PAM: variants seen among roughly 807,000 people sequenced by gnomAD.
The protein encoded by PAM is peptidylglycine alpha-amidating monooxygenase.
PAM carries 72 observed loss-of-function variants against 122.1 expected under a neutral mutation model. That is an observed-to-expected ratio of 0.59 (90% CI 0.49 to 0.72). The LOEUF (loss-of-function observed/expected upper bound fraction) is 0.72. Ranked by LOEUF, PAM falls within the 30% of genes least tolerant of loss-of-function variation. PAM has a pLI of 0.00. For missense variants in PAM, 1,106 were observed against 1,183.7 expected (o/e 0.93, Z 0.96); for synonymous variants, 389 against 404.4 (o/e 0.96, Z 0.46).
chr5:102,866,889 T>C (rs763831124), intron 2 of PAM, among the ~76,000 whole-genome samples: 1 of 152,168 alleles, frequency 6.6e-6, no homozygotes, highest in Non-Finnish European at 1.5e-5. Flanking sequence ...CATTAGAAAA[T>C]TGGCATGCCT....
intron 1 of PAM, among the ~76,000 whole-genome samples, chr5:102,799,497 G>C (rs1455850232): frequency 6.6e-6 from 1 of 152,158 alleles, no homozygotes; most frequent in Admixed American, 6.5e-5. Context: ...ACTATTTCAA[G>C]GCTGGTCCCT....
In PAM at chr5:102,876,292, T is replaced by A. The variant is rs557576887; in HGVS notation, c.210+8899T>A. 3.9e-5 allele frequency among the ~76,000 whole-genome samples: 6 copies of A among 152,306 alleles called. No individual in the cohort carries two copies. The South Asian group carries it at 1.2e-3, about 32-fold the overall frequency. Reference sequence around the variant, plus strand: ...AAGCACCATCCTCTCTTTCCTGGATTATTATAATATCCCTCCTAACTGACC... The same window carrying A: ...AAGCACCATCCTCTCTTTCCTGGATAATTATAATATCCCTCCTAACTGACC... On this transcript the variant is annotated intron_variant, in intron 3 of 25. Transcript: ENST00000438793.
chr5:103,013,837 C>CA (rs1478502778), intron 21 of PAM, among the ~76,000 whole-genome samples: 1 of 152,070 alleles, frequency 6.6e-6, no homozygotes, highest in Admixed American at 6.6e-5. Context: ...TGAATATAAC[C>CA]AAAATGAATC....
At chr5:102,921,828 T>C (rs1250437841) in intron 5 of PAM, among the ~76,000 whole-genome samples, 2 of 151,996 alleles carry the variant, frequency 1.3e-5, no homozygotes, top group Non-Finnish European at 2.9e-5. Context: ...GTGTCAAGAA[T>C]TGAGATAGAA....
intron 3 of PAM, among the ~76,000 whole-genome samples, chr5:102,893,860 A>G (rs1795425408): frequency 6.6e-6 from 1 of 151,618 alleles, no homozygotes; most frequent in South Asian, 2.1e-4. Context: ...TCCTTACCTT[A>G]TTTTATTTTG....
chr5:103,016,919 C>CT (rs1482520288), intron 21 of PAM, among the ~76,000 whole-genome samples: 1 of 152,034 alleles, frequency 6.6e-6, no homozygotes, highest in Non-Finnish European at 1.5e-5. Context: ...AATACCTAGA[C>CT]TTTTTTACTT....
chr5:102,759,438 C>G (rs2149655706), intron 1 of PAM, among the ~76,000 whole-genome samples: 2 of 152,296 alleles, frequency 1.3e-5, no homozygotes, highest in African/African-American at 4.8e-5. Flanking sequence ...GCGTGGCAAT[C>G]TGGAGAATCC....
intron 3 of PAM, among the ~76,000 whole-genome samples, chr5:102,872,663 C>T (rs920849772): frequency 1.2e-4 from 19 of 152,110 alleles, no homozygotes; most frequent in African/African-American, 4.6e-4. Flanking sequence ...GTGGCAGTTG[C>T]TCAGAATATC....
chr5:102,844,740 C>T (rs1452895583), intron 1 of PAM, among the ~76,000 whole-genome samples: 2 of 151,982 alleles, frequency 1.3e-5, no homozygotes, highest in African/African-American at 4.8e-5. Context: ...AAAAGTAACA[C>T]AAAACTCAAC....
At chr5:102,883,059 T>G (rs1050117524) in intron 3 of PAM, among the ~76,000 whole-genome samples, 5 of 152,034 alleles carry the variant, frequency 3.3e-5, no homozygotes, top group African/African-American at 1.2e-4. Context: ...GGTTCTGTAT[T>G]TTGTTCCATT....
intron 1 of PAM, among the ~76,000 whole-genome samples, chr5:102,766,926 A>ATTGTTTTTT (rs1754141782): frequency 3.9e-5 from 1 of 25,830 alleles, no homozygotes; most frequent in African/African-American, 1.4e-4. Context: ...TCAGTTGTGG[A>ATTGTTTTTT]TTTTTTTTTT....
chr5:103,010,460 TG>T (rs1780277580), intron 21 of PAM, among the ~76,000 whole-genome samples: 1 of 152,216 alleles, frequency 6.6e-6, no homozygotes, highest in African/African-American at 2.4e-5. Context: ...AGTGTGCCCA[TG>T]GCCCTTCTGT....
At chr5:103,019,765 C>T (rs1197416122) in intron 22 of PAM, 25 bp from the exon 23 acceptor site, 2 of 1,529,776 alleles carry the variant, frequency 1.3e-6, no homozygotes, top group Middle Eastern at 1.7e-4. Context: ...TCTGACTTTT[C>T]TCTCTCCTTG....
At chr5:102,865,088 C>T (rs752178817) in intron 1 of PAM, among the ~76,000 whole-genome samples, 1 of 152,036 alleles carries the variant, frequency 6.6e-6, no homozygotes, top group Non-Finnish European at 1.5e-5. Flanking sequence ...AAACTCCAAA[C>T]TTAGGAAAGG....
chr5:102,904,398 G>A (rs1420694925), intron 4 of PAM, among the ~76,000 whole-genome samples: 1 of 151,536 alleles, frequency 6.6e-6, no homozygotes. Flanking sequence ...GATAGGCACC[G>A]ACTCAATAAT....
rs1351296346 is a variant in PAM at position 102,926,437 on chromosome 5, A to T, written c.443-148A>T. 4 of 554,634 alleles carry T rather than the reference A, an allele frequency of 7.2e-6. No homozygotes were observed. In the East Asian group the frequency reaches 1.3e-4, roughly 18 times the overall value. The allele number at this position is 554,634 out of a possible 1,614,324, so 34.4% of individuals were successfully genotyped here. ...ATAATGACAGATTATATTAGAAATT[A>T]TCAGTCAATGGTATATTTCTGTTTT... On this transcript the variant is annotated intron_variant, in intron 6 of 25. Transcript: ENST00000438793.
At position 102,812,469 on chromosome 5, in the gene PAM, GA is replaced by G. The variant is rs923102935; in HGVS notation, c.-373-53347del. Among the ~76,000 whole-genome samples the G allele has an allele frequency of 3.3e-5, 5 of 151,684 alleles. No homozygotes were observed. In the East Asian group the frequency reaches 9.7e-4, roughly 29 times the overall value. On this transcript the variant is annotated intron_variant, in intron 1 of 25. Transcript: ENST00000438793. ...GATTTACATTTTGCTGTGGTTCTCT[GA>G]AAAAAAGGAGATGGAAAGAAAACCA...
At chr5:102,945,454 A>G (rs1382708893) in intron 7 of PAM, among the ~76,000 whole-genome samples, 1 of 149,746 alleles carries the variant, frequency 6.7e-6, no homozygotes. Flanking sequence ...TATAGCTTAT[A>G]TAAACTATAT....
At chr5:102,866,351 T>C (rs2150951201) in intron 2 of PAM, 67 bp downstream of exon 2, 4 of 1,007,104 alleles carry the variant, frequency 4.0e-6, no homozygotes, top group South Asian at 3.9e-5. Context: ...TTTATGAACC[T>C]GAGTGTTGGC....
Sources: allele counts gnomAD v4.1 joint callset (sites outside exome capture counted in the v4.1 genomes callset), GRCh38; gene constraint gnomAD v4.1.1; transcripts MANE v1.5; gene names NCBI Gene and HGNC (gene_info 2026-07-23, HGNC 2026-07-21).